The following PRAMEF4 variants were observed in gnomAD, a reference collection of about 807,000 sequenced individuals.
PRAMEF4 encodes the protein PRAME family member 4.
Under a neutral mutation model 34.4 loss-of-function variants are expected in PRAMEF4, and 18 were observed. The ratio of observed to expected loss-of-function variants is 0.52; its 90% CI spans 0.36 to 0.78. The LOEUF is 0.78. PRAMEF4 is among the 30% of genes least tolerant of loss of function. The pLI, the probability that PRAMEF4 is intolerant of heterozygous loss-of-function variation, is 0.00. For missense variants in PRAMEF4, 482 were observed against 569.1 expected, an observed-to-expected ratio of 0.85 and a Z score of 1.56; for synonymous variants, 156 against 219.3, an observed-to-expected ratio of 0.71 and a Z score of 2.55.
intron 1 of PRAMEF4, among the ~76,000 whole-genome samples, 172 bp from the exon 2 acceptor site, chr1:12,883,582 A>C (rs1182960139): frequency 1.3e-5 from 2 of 149,014 alleles, no homozygotes; most frequent in African/African-American, 2.5e-5. Flanking sequence ...CCTCTGCTGC[A>C]TCAGCATGAG....
At chr1:12,881,600 GA>G (rs1640890358) in intron 3 of PRAMEF4, among the ~76,000 whole-genome samples, 1 of 140,852 alleles carries the variant, frequency 7.1e-6, no homozygotes, top group South Asian at 2.2e-4. Context: ...CACTAGATCT[GA>G]ACCCCCCAGT....
intron 2 of PRAMEF4, 55 bp from the exon 3 acceptor site, chr1:12,882,490 A>T (rs2100423191): frequency 6.3e-7 from 1 of 1,576,334 alleles, no homozygotes; most frequent in East Asian, 2.2e-5. Context: ...CTGAACTTAA[A>T]CTCCACATCC....
At chr1:12,883,855 A>T (rs369791765) in intron 1 of PRAMEF4, among the ~76,000 whole-genome samples, 6 of 144,456 alleles carry the variant, frequency 4.2e-5, no homozygotes, top group East Asian at 2.0e-4. Flanking sequence ...TTTTCTTTTC[A>T]TTATTTAAGC....
chr1:12,884,893 G>C (rs5017150), intron 1 of PRAMEF4, among the ~76,000 whole-genome samples: 8,014 of 147,314 alleles, frequency 0.054, 134 homozygotes, highest in East Asian at 0.23. Context: ...CAAACATGGA[G>C]TTTTACTAAT....
intron 2 of PRAMEF4, 60 bp downstream of exon 2, chr1:12,883,042 C>T (rs1286131119): frequency 2.5e-6 from 4 of 1,583,642 alleles, no homozygotes; most frequent in African/African-American, 2.8e-5. Flanking sequence ...TCTCACGACC[C>T]AGCTGTTCCT....
Position 12,886,169 on chromosome 1 carries a change from G to A in PRAMEF4, c.-39C>T, listed in dbSNP as rs1641000939. Reference sequence around the variant, plus strand: ...TACCAGATCTGGATGTAGTCTAGAAGGTTCTCAGATCTCAGGAAGAACCAA... The same window carrying A: ...TACCAGATCTGGATGTAGTCTAGAAAGTTCTCAGATCTCAGGAAGAACCAA... On this transcript the variant is annotated 5_prime_UTR_variant, in exon 1 of 4. Transcript: ENST00000235349. 7.0e-6 allele frequency: 1 copy of A among 142,388 alleles called. No homozygotes were observed. The highest frequency in any genetic ancestry group is 7.4e-5 in the Admixed American group (1 of 13,572). 8.8% of individuals were successfully genotyped at this position (142,388 alleles called of 1,614,324 possible).
chr1:12,884,427 C>T (rs1553167105), intron 1 of PRAMEF4, among the ~76,000 whole-genome samples: 1 of 149,626 alleles, frequency 6.7e-6, no homozygotes, highest in African/African-American at 2.5e-5. Context: ...CAAACTGAAC[C>T]ACTTTGGCTG....
rs1425672982 is a variant in PRAMEF4 at position 12,882,185 on chromosome 1, G to A, written c.544C>T (p.Leu182=). The A allele has an allele frequency of 6.3e-7, 1 of 1,582,984 alleles. No homozygotes were observed. Among genetic ancestry groups the A allele is most frequent in the Non-Finnish European group, 8.6e-7 (1 of 1,165,478 alleles). The change falls in exon 3 of 4, where the codon CTG becomes TTG. Residue 182 remains leucine, a synonymous_variant. Transcript: ENST00000235349. ...WVKQRKDLLH[L]CCKKLKILGM... ...AAAATTTTCAGCTTCTTACAGCACA[G>A]GTGTAGTAAATCTTTCCTCTGCTTG...
In PRAMEF4 at chr1:12,883,112, C is replaced by A. The variant is rs778409677; in HGVS notation, c.283G>T (p.Val95Phe). Residue 95 changes from valine (V) to phenylalanine (F), a missense_variant, in exon 2 of 4, where the codon GTT becomes TTT. This residue lies in a region of PRAMEF4 where 172 missense variants were observed against 130.2 expected (regional missense o/e 1.32). Transcript: ENST00000235349. ...CCTGGGCCACCTCACCTGGGACGAA[C>A]CCCTAGGTTAAGCAGTGCATCCAGC... ...DGLDALLNLG[V>F]RPRRWKLQVL... 6.2e-6 allele frequency: 10 copies of A among 1,601,470 alleles called. No homozygotes were observed. The highest frequency in any genetic ancestry group is 8.5e-6 in the Non-Finnish European group (10 of 1,174,294).
chr1:12,885,536 T>C (rs1249348893), intron 1 of PRAMEF4, among the ~76,000 whole-genome samples: 1 of 148,450 alleles, frequency 6.7e-6, no homozygotes, highest in South Asian at 2.1e-4. Context: ...ATCCCAGCAC[T>C]TTGGGAGGCC....
Position 12,880,229 on chromosome 1 carries a change from C to A in PRAMEF4, c.876-124G>T, listed in dbSNP as rs529788908. 434 of 1,478,118 alleles carry A rather than the reference C, an allele frequency of 2.9e-4. 3 individuals carry two copies. The highest frequency in any genetic ancestry group is 3.7e-4 in the Non-Finnish European group (395 of 1,078,066). The allele number at this position is 1,478,118 out of a possible 1,614,324, so 91.6% of individuals were successfully genotyped here. A position where few individuals can be genotyped will look rare whatever the true frequency, so the allele number is the denominator to read the frequency against. On this transcript the variant is annotated intron_variant, in intron 3 of 3. Transcript: ENST00000235349. Reference sequence around the variant, plus strand: ...CCAAGTCCAGGGTCATTCTGATGGCCTGATGGTCAACACTTAGGATGATGT... The same window carrying A: ...CCAAGTCCAGGGTCATTCTGATGGCATGATGGTCAACACTTAGGATGATGT...
intron 1 of PRAMEF4, among the ~76,000 whole-genome samples, chr1:12,884,766 C>T (rs1435685699): frequency 6.7e-6 from 1 of 149,536 alleles, no homozygotes; most frequent in East Asian, 1.9e-4. Flanking sequence ...CCCAGTTAAT[C>T]CTTATTGGAT....
chr1:12,883,515 G>C (rs1419809220), intron 1 of PRAMEF4, 105 bp from the exon 2 acceptor site: 1 of 1,439,154 alleles, frequency 6.9e-7, no homozygotes, highest in Non-Finnish European at 9.5e-7. Flanking sequence ...TGGTGAAAGA[G>C]TCCTCAGTTT....
Position 12,879,653 on chromosome 1 carries a change from C to T in PRAMEF4, c.1328G>A (p.Arg443Lys), listed in dbSNP as rs1037555203. 1.7e-5 allele frequency: 27 copies of T among 1,599,430 alleles called. 1 individual carries two copies. Among genetic ancestry groups the T allele is most frequent in the South Asian group, 8.9e-5 (8 of 90,280 alleles). Residue 443 changes from arginine to lysine, a missense_variant, in exon 4 of 4, where the codon AGA becomes AAA. Arg to Lys is a conservative substitution (Grantham distance 26, BLOSUM62 2). Coordinates refer to ENST00000235349, the MANE Select transcript of PRAMEF4 (RefSeq NM_001009611.4). ...CTTGGGGTGCCTTAAGTCCCTCACT[C>T]TGTTCATCAGCTCAGCCCTAATTTG... ...FAQIRAELMNRVRDLRHPKRI... is the reference protein window; with the variant it reads ...FAQIRAELMNKVRDLRHPKRI...
intron 3 of PRAMEF4, among the ~76,000 whole-genome samples, chr1:12,881,270 G>A (rs188701032): frequency 2.0e-5 from 3 of 148,692 alleles, no homozygotes; most frequent in Admixed American, 6.9e-5. Context: ...GGAGGCTGAG[G>A]CAGGAGAATC....
chr1:12,881,721 G>A, intron 3 of PRAMEF4, 133 bp downstream of exon 3: 4 of 1,426,130 alleles, frequency 2.8e-6, no homozygotes, highest in Non-Finnish European at 3.8e-6. Flanking sequence ...CCGCCCACAG[G>A]ACAATGCATG....
chr1:12,885,992 T>C (rs1180534077), intron 1 of PRAMEF4, among the ~76,000 whole-genome samples, 155 bp downstream of exon 1: 2 of 79,894 alleles, frequency 2.5e-5, no homozygotes, highest in Admixed American at 1.3e-4. Flanking sequence ...GAACTGCCTT[T>C]AGAGGAAAAA....
chr1:12,883,537 A>G lies in PRAMEF4; in HGVS notation c.-16-127T>C, dbSNP rs4372264. 30 of 1,265,558 alleles carry G rather than the reference A, an allele frequency of 2.4e-5. 2 individuals are homozygous for G. The highest frequency in any genetic ancestry group is 1.4e-4 in the East Asian group (6 of 42,208). The allele number at this position is 1,265,558 out of a possible 1,614,324, so 78.4% of individuals were successfully genotyped here. ...AGAGTCCTCAGTTTACTCCAATTCTACTCTGTACTCAGTGGCCATTAAGCC... is the reference window on the plus strand; with the variant it reads ...AGAGTCCTCAGTTTACTCCAATTCTGCTCTGTACTCAGTGGCCATTAAGCC... On this transcript the variant is annotated intron_variant, in intron 1 of 3. Coordinates refer to ENST00000235349, the MANE Select transcript of PRAMEF4 (RefSeq NM_001009611.4).
In PRAMEF4 at chr1:12,883,909, TCTCC is replaced by T. The variant is rs974546335; in HGVS notation, c.-16-503_-16-500del. Among the ~76,000 whole-genome samples the T allele has an allele frequency of 1.4e-4, 20 of 143,142 alleles. 1 individual carries two copies. In the Admixed American group the frequency reaches 1.5e-3, roughly 11 times the overall value. 93.9% of individuals were successfully genotyped at this position (143,142 alleles called of 152,430 possible). ...TCTTTCTTCTTTCCTTCTTTCCCTC[TCTCC>T]CTCCCTTCTTTCTTTCTTTCCCCCT... On this transcript the variant is annotated intron_variant, in intron 1 of 3. Coordinates refer to ENST00000235349, the MANE Select transcript of PRAMEF4 (RefSeq NM_001009611.4).
Sources: gnomAD v4.1 joint callset for allele counts (sites outside exome capture counted in the v4.1 genomes callset) on GRCh38, gnomAD v4.1.1 for gene constraint, gnomAD v4.1.1 regional missense constraint, MANE v1.5 for transcripts, NCBI Gene and HGNC (gene_info 2026-07-23, HGNC 2026-07-21) for gene names.